CACNG7: variants seen among roughly 807,000 people sequenced by gnomAD.
The protein encoded by CACNG7 is voltage-dependent calcium channel gamma-7 subunit.
In CACNG7, 9 loss-of-function variants were observed where a neutral mutation model predicts 26.3. The observed-to-expected ratio is 0.34, with a 90% confidence interval of 0.21 to 0.60. The LOEUF (loss-of-function observed/expected upper bound fraction) is 0.60, where lower values mean the gene tolerates loss of function less well. Ranked by LOEUF, CACNG7 falls within the 20% of genes least tolerant of loss-of-function variation. The probability of loss-of-function intolerance (pLI) is 0.81; values close to 1 mark genes in which losing one functional copy is unlikely to be tolerated. For missense variants in CACNG7, 297 were observed against 380.4 expected (o/e 0.78, Z 1.82); for synonymous variants, 170 against 157.0 (o/e 1.08, Z -0.62).
intron 4 of CACNG7, among the ~76,000 whole-genome samples, chr19:53,919,878 G>GT (rs200801831): frequency 5.9e-5 from 8 of 135,894 alleles, no homozygotes; most frequent in African/African-American, 8.7e-5. Flanking sequence ...CTTGCCCCAG[G>GT]CTGGTCATTG....
rs1397690454 is a variant in CACNG7, at chr19:53,943,510, C to T, written c.*1217C>T. 1.7e-5 allele frequency: 1 copy of T among 58,498 alleles called. No homozygotes were observed. The highest frequency in any genetic ancestry group is 3.3e-5 in the Non-Finnish European group (1 of 30,142). 3.6% of individuals were successfully genotyped at this position (58,498 alleles called of 1,614,324 possible). On this transcript the variant is annotated 3_prime_UTR_variant, in exon 6 of 6. Transcript: ENST00000391767. ...TGGGGGGAGGGGGGCAGGGGAGGGACGGGGGCTTTTAGTTTGCATCTTAGG... is the reference window on the plus strand; with the variant it reads ...TGGGGGGAGGGGGGCAGGGGAGGGATGGGGGCTTTTAGTTTGCATCTTAGG...
At position 53,942,167 on chromosome 19, in the gene CACNG7, C is replaced by G; in HGVS notation, c.702C>G (p.Pro234=). The G allele has an allele frequency of 6.2e-7, 1 of 1,614,034 alleles. No homozygotes were observed. The highest frequency in any genetic ancestry group is 8.5e-7 in the Non-Finnish European group (1 of 1,179,962). ...CSDYSGQFLQ[P]EAWRRGRSPS... ...ACTACTCGGGCCAGTTCCTGCAGCC[C>G]GAGGCGTGGCGCCGCGGCCGGAGCC... The change falls in exon 6 of 6, where the codon CCC becomes CCG. Residue 234 remains proline (P), a synonymous_variant. Transcript: ENST00000391767. This position sits in a 1 kb window ranked among gnomAD's most constrained non-coding sequence, Gnocchi z 5.9.
chr19:53,914,341 G>A (rs112904688), intron 2 of CACNG7, among the ~76,000 whole-genome samples, 159 bp from the exon 3 acceptor site: 10,003 of 150,574 alleles, frequency 0.066, 1,088 homozygotes, highest in African/African-American at 0.23. Flanking sequence ...CCACCCACCC[G>A]CTTTCCCAAC....
chr19:53,909,808 G>C lies in CACNG7; in HGVS notation c.-30+291G>C, dbSNP rs926726601. 6.6e-6 allele frequency among the ~76,000 whole-genome samples: 1 copy of C among 152,166 alleles called. No homozygotes were observed. Among genetic ancestry groups the C allele is most frequent in the Non-Finnish European group, 1.5e-5 (1 of 68,040 alleles). ...GGGTCCCTGAGGAAGGCGAGGTACG[G>C]GGCGAGGGCGGAGGACCCAGGCCCG... On this transcript the variant is annotated intron_variant, in intron 1 of 5. Coordinates refer to ENST00000391767, the MANE Select transcript of CACNG7 (RefSeq NM_031896.5). The surrounding 1 kb of genome is among the most constrained non-coding windows in gnomAD (Gnocchi z 5.1).
intron 2 of CACNG7, among the ~76,000 whole-genome samples, chr19:53,913,589 C>T (rs565063683): frequency 1.8e-4 from 28 of 151,904 alleles, no homozygotes; most frequent in African/African-American, 6.3e-4. Flanking sequence ...ACCACTGCCA[C>T]TGCGCTCCAG....
Position 53,942,634 on chromosome 19 carries a change from C to G in CACNG7, c.*341C>G. The G allele has an allele frequency of 9.0e-7, 1 of 1,110,430 alleles. No individual in the cohort carries two copies. The allele number at this position is 1,110,430 out of a possible 1,614,324, so 68.8% of individuals were successfully genotyped here. On this transcript the variant is annotated 3_prime_UTR_variant, in exon 6 of 6. Transcript: ENST00000391767. This position sits in a 1 kb window ranked among gnomAD's most constrained non-coding sequence, Gnocchi z 5.9. ...GCTCTGAGCTGGGAGCAGCCAGAGG[C>G]GGTGCAAGCGCCCAGCTCCCCAGAG...
intron 4 of CACNG7, among the ~76,000 whole-genome samples, chr19:53,932,054 C>A (rs1165319128): frequency 6.6e-6 from 1 of 151,440 alleles, no homozygotes; most frequent in Non-Finnish European, 1.5e-5. Flanking sequence ...AGCCACTGTG[C>A]CCGGCCAGCA....
At chr19:53,938,259 G>C (rs1225616136) in intron 4 of CACNG7, among the ~76,000 whole-genome samples, 4 of 152,098 alleles carry the variant, frequency 2.6e-5, no homozygotes, top group Non-Finnish European at 5.9e-5. Context: ...GAGGTGTGAG[G>C]ATTGCTTGAG....
intron 4 of CACNG7, among the ~76,000 whole-genome samples, chr19:53,924,400 C>T (rs1378691401): frequency 1.4e-5 from 2 of 141,058 alleles, no homozygotes; most frequent in Non-Finnish European, 3.0e-5. Flanking sequence ...GTCCCCAGGC[C>T]TGGTCATTGG....
rs2068890705 is a variant in CACNG7, at chr19:53,915,460, A to T, written c.379A>T (p.Arg127Trp). ...CAACATCGGCCACATCCGCCCGCAG[A>T]GGACCATTCTGGCTTTTGTCTCTGG... ...ISNIGHIRPQ[R>W]TILAFVSGIF... The change falls in exon 4 of 6, where the codon AGG becomes TGG. Residue 127 changes from arginine (R) to tryptophan (W), a missense_variant. Arg to Trp is a moderately radical substitution (Grantham distance 101). Transcript: ENST00000391767. The T allele has an allele frequency of 1.2e-6, 2 of 1,614,040 alleles. No individual in the cohort carries two copies. The highest frequency in any genetic ancestry group is 1.7e-6 in the Non-Finnish European group (2 of 1,180,048).
chr19:53,938,783 C>CA (rs1471974994), intron 4 of CACNG7, among the ~76,000 whole-genome samples: 1 of 151,856 alleles, frequency 6.6e-6, no homozygotes, highest in African/African-American at 2.4e-5. Flanking sequence ...CCTGTCTCTG[C>CA]AAAAAATACA....
intron 4 of CACNG7, among the ~76,000 whole-genome samples, chr19:53,921,893 G>C (rs1344689203): frequency 9.5e-6 from 1 of 104,742 alleles, no homozygotes; most frequent in Non-Finnish European, 1.8e-5. Flanking sequence ...CTGGTCATTG[G>C]TGGAGTTGTC....
At chr19:53,937,854 G>C (rs1289288455) in intron 4 of CACNG7, among the ~76,000 whole-genome samples, 1 of 151,910 alleles carries the variant, frequency 6.6e-6, no homozygotes, top group Admixed American at 6.6e-5. Context: ...GCCTCCCAAA[G>C]TGCTGGGATT....
At chr19:53,915,034 G>A (rs2068886814) in intron 3 of CACNG7, among the ~76,000 whole-genome samples, 1 of 149,930 alleles carries the variant, frequency 6.7e-6, no homozygotes, top group African/African-American at 2.5e-5. Context: ...AAGGAAGGAA[G>A]AAAGAAAGAA....
At chr19:53,913,963 G>A (rs2068877245) in intron 2 of CACNG7, among the ~76,000 whole-genome samples, 1 of 151,962 alleles carries the variant, frequency 6.6e-6, no homozygotes, top group African/African-American at 2.4e-5. Context: ...TCAAGCAGGA[G>A]TCTCTAGGGC....
intron 2 of CACNG7, among the ~76,000 whole-genome samples, chr19:53,914,179 C>T (rs2068878626): frequency 6.7e-6 from 1 of 149,600 alleles, no homozygotes; most frequent in Non-Finnish European, 1.5e-5. Context: ...GAGGCTGAGG[C>T]AGGAGAATCA....
Position 53,934,341 on chromosome 19 carries a change from C to T in CACNG7, c.425-7129C>T, listed in dbSNP as rs182427444. On this transcript the variant is annotated intron_variant, in intron 4 of 5. Transcript: ENST00000391767. ...CATTGGCAAGAAAAGTCAGAGGTGC[C>T]GCTGCATACTTTGTATCACGTTACT... Among the ~76,000 whole-genome samples, 225 of 152,286 alleles carry T rather than the reference C, an allele frequency of 1.5e-3. 8 individuals carry two copies. Among genetic ancestry groups the T allele is most frequent in the Admixed American group, 0.013 (197 of 15,302 alleles).
In CACNG7 at chr19:53,941,625, G is replaced by T. The variant is rs367730313; in HGVS notation, c.570+10G>T. On this transcript the variant is annotated intron_variant, in intron 5 of 5. Transcript: ENST00000391767. ...CTTCCTACTCAAAGAGGTGACGTCC[G>T]TGGGACCTAGACTCTAGAGTTCTGA... The T allele has an allele frequency of 1.2e-6, 2 of 1,610,572 alleles. No homozygotes were observed. The highest frequency in any genetic ancestry group is 2.2e-5 in the South Asian group (2 of 90,488).
At chr19:53,927,644 A>C (rs7250484) in intron 4 of CACNG7, among the ~76,000 whole-genome samples, 1 of 151,998 alleles carries the variant, frequency 6.6e-6, no homozygotes, top group Non-Finnish European at 1.5e-5. Flanking sequence ...TCGAGACCAG[A>C]CTAGCCAACA....
Sources: gnomAD v4.1 joint callset for allele counts (sites outside exome capture counted in the v4.1 genomes callset) on GRCh38, gnomAD v4.1.1 for gene constraint, Gnocchi (gnomAD v3.1) non-coding constraint, MANE v1.5 for transcripts, NCBI Gene and HGNC (gene_info 2026-07-23, HGNC 2026-07-21) for gene names.